RANBP2: variants seen among roughly 807,000 people sequenced by gnomAD.
RANBP2 encodes E3 SUMO-protein ligase RanBP2.
A neutral mutation model predicts 303.6 loss-of-function variants in RANBP2; 57 were observed. That is an observed-to-expected ratio of 0.19 (90% CI 0.15 to 0.23). The LOEUF is 0.23. Among genes scored for constraint, RANBP2 ranks in the 10% least tolerant of loss-of-function variants. RANBP2 has a pLI of 1.00. For missense variants in RANBP2, 3,138 were observed against 3,780.8 expected (o/e 0.83, Z 4.46); for synonymous variants, 1,167 against 1,301.5 (o/e 0.90, Z 2.23).
the RANBP2 span, among the ~76,000 whole-genome samples, chr2:109,334,250 C>T: frequency 2.7e-5 from 4 of 149,566 alleles, no homozygotes; most frequent in Admixed American, 1.3e-4. Flanking sequence ...CTCAGCTACT[C>T]GAGGGGCTGA....
chr2:108,819,612 A>C, the RANBP2 span, among the ~76,000 whole-genome samples: 1 of 152,254 alleles, frequency 6.6e-6, no homozygotes, highest in African/African-American at 2.4e-5. Context: ...AGAAACACAC[A>C]TAGAAGCCCA....
chr2:108,743,592 A>C (rs2949972), intron 7 of RANBP2, among the ~76,000 whole-genome samples: 16 of 152,198 alleles, frequency 1.1e-4, no homozygotes, highest in African/African-American at 4.8e-5. Context: ...AACTTTTAAT[A>C]ATAAAAAGTT....
chr2:108,872,817 C>G, the RANBP2 span, among the ~76,000 whole-genome samples: 1 of 152,182 alleles, frequency 6.6e-6, no homozygotes, highest in African/African-American at 2.4e-5. Context: ...CAGCATTCTG[C>G]CTGCAGGCCC....
rs1298486295 is a variant in RANBP2, at chr2:108,766,004, C to T, written c.5465C>T (p.Thr1822Ile). The part of the protein sequence containing the change: ...KPIAEAPSAF[T>I]LGSEMKLHDS... The stretch of plus-strand genomic sequence containing the variant: ...ATTGCAGAAGCTCCTTCAGCTTTCA[C>T]ACTGGGCTCAGAAATGAAGTTGCAT... Residue 1822 changes from threonine (T) to isoleucine (I), a missense_variant, in exon 20 of 29, where the codon ACA (threonine) becomes ATA (isoleucine). Transcript: ENST00000283195. 1 of 1,614,122 alleles carries T rather than the reference C, an allele frequency of 6.2e-7. No individual in the cohort carries two copies. The highest frequency in any genetic ancestry group is 1.7e-5 in the Admixed American group (1 of 60,002).
chr2:109,083,281 G>A, the RANBP2 span, among the ~76,000 whole-genome samples: 4 of 152,002 alleles, frequency 2.6e-5, no homozygotes, highest in East Asian at 5.8e-4. Flanking sequence ...CCCATCAAGC[G>A]CTAACTCCTC....
the RANBP2 span, among the ~76,000 whole-genome samples, chr2:109,494,530 C>A: frequency 1.3e-5 from 2 of 152,198 alleles, no homozygotes; most frequent in African/African-American, 2.4e-5. Flanking sequence ...TTGGGCCCTG[C>A]AGACTTGTGA....
At chr2:109,051,550 C>A in the RANBP2 span, among the ~76,000 whole-genome samples, 7 of 151,918 alleles carry the variant, frequency 4.6e-5, no homozygotes, top group African/African-American at 1.5e-4. Flanking sequence ...TTGGGTCAAA[C>A]CAATAGTTGG....
rs757778464 is a variant in RANBP2, at chr2:108,785,199, C to G, written c.*1298C>G. Reference sequence around the variant, plus strand: ...CCTAAAGCAAGTAACTGTTCAACCACCAGTCAAAAGAGGGGAGGGATGTTG... The same window carrying G: ...CCTAAAGCAAGTAACTGTTCAACCAGCAGTCAAAAGAGGGGAGGGATGTTG... On this transcript the variant is annotated 3_prime_UTR_variant, in exon 29 of 29. Coordinates refer to ENST00000283195, the MANE Select transcript of RANBP2 (RefSeq NM_006267.5). 7.9e-5 allele frequency: 12 copies of G among 152,082 alleles called. No individual in the cohort carries two copies. The highest frequency in any genetic ancestry group is 1.5e-4 in the Non-Finnish European group (10 of 67,996). 9.4% of individuals were successfully genotyped at this position (152,082 alleles called of 1,614,324 possible).
the RANBP2 span, among the ~76,000 whole-genome samples, chr2:108,898,667 TAAA>T: frequency 9.7e-4 from 147 of 152,264 alleles, no homozygotes; most frequent in African/African-American, 3.3e-3. Flanking sequence ...GAATTCATAA[TAAA>T]AGTGCTTCAA....
the RANBP2 span, among the ~76,000 whole-genome samples, chr2:109,064,666 C>A: frequency 6.6e-6 from 1 of 152,050 alleles, no homozygotes; most frequent in Non-Finnish European, 1.5e-5. Context: ...GATTTTTAAA[C>A]AGATACATGG....
At chr2:108,810,537 T>C in the RANBP2 span, among the ~76,000 whole-genome samples, 1 of 152,204 alleles carries the variant, frequency 6.6e-6, no homozygotes, top group South Asian at 2.1e-4. Context: ...ATATTATCTT[T>C]TTGGTGTGTT....
At chr2:108,786,440 C>A (rs1678729814), downstream of RANBP2, among the ~76,000 whole-genome samples, 1 of 152,082 alleles carries the variant, frequency 6.6e-6, no homozygotes, top group Non-Finnish European at 1.5e-5. Context: ...GCAAAGGTCA[C>A]TTCTGATGGA....
At chr2:108,806,612 C>T in the RANBP2 span, among the ~76,000 whole-genome samples, 1 of 152,156 alleles carries the variant, frequency 6.6e-6, no homozygotes, top group Non-Finnish European at 1.5e-5. Flanking sequence ...AATGCGAAAA[C>T]AGCCATAGGC....
the RANBP2 span, among the ~76,000 whole-genome samples, chr2:109,573,551 C>T: frequency 3.3e-5 from 5 of 152,226 alleles, no homozygotes; most frequent in African/African-American, 4.8e-5. Context: ...GTAAATCGAC[C>T]GATGTGCCAA....
chr2:109,681,761 C>T, the RANBP2 span, among the ~76,000 whole-genome samples: 1 of 152,368 alleles, frequency 6.6e-6, no homozygotes, highest in South Asian at 2.1e-4. Flanking sequence ...CATGTCCCCA[C>T]AGCCTGATCT....
the RANBP2 span, among the ~76,000 whole-genome samples, chr2:109,777,311 T>G: frequency 1.3e-5 from 2 of 148,536 alleles, no homozygotes; most frequent in Non-Finnish European, 3.0e-5. Flanking sequence ...CATATGGGTT[T>G]TAATCTATTA....
At chr2:109,344,708 G>A in the RANBP2 span, among the ~76,000 whole-genome samples, 1 of 152,278 alleles carries the variant, frequency 6.6e-6, no homozygotes, top group East Asian at 1.9e-4. Context: ...TGAAAGCTCA[G>A]AAGTGGAGTT....
chr2:109,636,064 T>C, the RANBP2 span, among the ~76,000 whole-genome samples: 1 of 152,174 alleles, frequency 6.6e-6, no homozygotes, highest in Non-Finnish European at 1.5e-5. Context: ...TCTTCCTCCA[T>C]GTGAGGATAC....
At chr2:109,774,563 A>G in the RANBP2 span, among the ~76,000 whole-genome samples, 2 of 69,298 alleles carry the variant, frequency 2.9e-5, no homozygotes, top group Non-Finnish European at 4.9e-5. Flanking sequence ...ATATATATGT[A>G]TGTAAATGGT....
Sources: gnomAD v4.1 joint callset for allele counts (sites outside exome capture counted in the v4.1 genomes callset) on GRCh38, gnomAD v4.1.1 for gene constraint, MANE v1.5 for transcripts, NCBI Gene and HGNC (gene_info 2026-07-23, HGNC 2026-07-21) for gene names.